FOXK2: variants seen among roughly 807,000 people sequenced by gnomAD.
FOXK2 encodes the protein forkhead box K2.
A neutral mutation model predicts 53.3 loss-of-function variants in FOXK2; 24 were observed. The ratio of observed to expected loss-of-function variants is 0.45; its 90% confidence interval spans 0.33 to 0.63. The LOEUF is 0.63. FOXK2 is among the 30% of genes least tolerant of loss of function. FOXK2 has a pLI of 0.03. For missense variants in FOXK2, 952 were observed against 910.5 expected, an observed-to-expected ratio of 1.05 and a Z score of -0.59; for synonymous variants, 505 against 407.1, an observed-to-expected ratio of 1.24 and a Z score of -2.89.
Position 82,601,321 on chromosome 17 carries a change from A to G in FOXK2, c.1805A>G (p.His602Arg). ...QVNNAAASPL[H>R]MLATHASASA... ...ATTTCAGCCGCGGCGAGTCCTTTGCACATGTTGGCAACACACGCATCCGCA... is the reference window on the plus strand; with the variant it reads ...ATTTCAGCCGCGGCGAGTCCTTTGCGCATGTTGGCAACACACGCATCCGCA... The change falls in exon 9 of 9, where the codon CAC becomes CGC. Residue 602 changes from histidine (H) to arginine (R), a missense_variant. Around this residue, in one of 5 missense-constraint regions of FOXK2, gnomAD observed 551 missense variants for 385.1 expected, o/e 1.43. Transcript: ENST00000335255. 6.2e-7 allele frequency: 1 copy of G among 1,612,658 alleles called. No individual in the cohort carries two copies. Among genetic ancestry groups the G allele is most frequent in the Non-Finnish European group, 8.5e-7 (1 of 1,179,852 alleles).
At chr17:82,547,123 C>CT (rs1469242489) in intron 1 of FOXK2, among the ~76,000 whole-genome samples, 4 of 151,494 alleles carry the variant, frequency 2.6e-5, no homozygotes, top group Non-Finnish European at 5.9e-5. Context: ...ATACACTGAT[C>CT]TCTCTTATAG....
At chr17:82,573,303 C>A (rs1211803082) in intron 4 of FOXK2, among the ~76,000 whole-genome samples, 1 of 152,118 alleles carries the variant, frequency 6.6e-6, no homozygotes, top group Non-Finnish European at 1.5e-5. Context: ...TCCCCTCTGG[C>A]CCACCTTGTG....
chr17:82,574,106 C>T (rs1325910541), intron 4 of FOXK2, among the ~76,000 whole-genome samples: 2 of 152,210 alleles, frequency 1.3e-5, no homozygotes, highest in South Asian at 2.1e-4. Context: ...GACTAGCACA[C>T]GTCAGGCACC....
chr17:82,520,190 C>T lies in FOXK2; in HGVS notation c.302C>T (p.Ala101Val), dbSNP rs1188839379. ...GGGGCCGCTCCGGAGCTGCCGCCCG[C>T]GCAGCCCAGGCCCGACGCCGGCGGC... ...HGGAAPELPP[A>V]QPRPDAGGDF... The change falls in exon 1 of 9, where the codon GCG (alanine) becomes GTG (valine). Residue 101 changes from alanine to valine, a missense_variant. By Grantham distance (64) the Ala-to-Val change is moderately conservative. Coordinates refer to ENST00000335255, the MANE Select transcript of FOXK2 (RefSeq NM_004514.4). 4.9e-6 allele frequency: 7 copies of T among 1,420,854 alleles called. No homozygotes were observed. The highest frequency in any genetic ancestry group is 1.5e-5 in the South Asian group (1 of 66,514). The allele number at this position is 1,420,854 out of a possible 1,614,324, so 88.0% of individuals were successfully genotyped here. A position where few individuals can be genotyped will look rare whatever the true frequency, so the allele number is the denominator to read the frequency against.
chr17:82,543,021 T>C (rs1160348244), intron 1 of FOXK2, among the ~76,000 whole-genome samples: 1 of 152,166 alleles, frequency 6.6e-6, no homozygotes, highest in Non-Finnish European at 1.5e-5. Flanking sequence ...TGGTCCCTGG[T>C]ACTTAACAGG....
rs1459633507 is a variant in FOXK2, at chr17:82,563,477, C to T, written c.543C>T (p.Pro181=). ...PVKAVQPHIS[P]LTINIPDTMA... ...AGGCCGTACAGCCACACATCTCGCCCCTGACCATCAACATTCCAGACACCA... is the reference window on the plus strand; with the variant it reads ...AGGCCGTACAGCCACACATCTCGCCTCTGACCATCAACATTCCAGACACCA... The change falls in exon 2 of 9, where the codon CCC becomes CCT. Residue 181 remains proline, a synonymous_variant. Coordinates refer to ENST00000335255, the MANE Select transcript of FOXK2 (RefSeq NM_004514.4). The T allele has an allele frequency of 5.6e-6, 9 of 1,614,024 alleles. No individual in the cohort carries two copies. In the African/African-American group the frequency reaches 9.3e-5, roughly 17 times the overall value.
chr17:82,524,516 G>C (rs1027784480), intron 1 of FOXK2, among the ~76,000 whole-genome samples: 1 of 152,164 alleles, frequency 6.6e-6, no homozygotes, highest in Non-Finnish European at 1.5e-5. Flanking sequence ...CTAAGATGTG[G>C]ATCCAAGTAC....
chr17:82,566,602 C>A (rs1030487382), intron 2 of FOXK2, among the ~76,000 whole-genome samples: 3 of 152,180 alleles, frequency 2.0e-5, no homozygotes, highest in African/African-American at 7.2e-5. Flanking sequence ...CAGCTCACCG[C>A]CAAGCAGCAG....
chr17:82,532,154 A>AT (rs2044478166), intron 1 of FOXK2, among the ~76,000 whole-genome samples: 1 of 139,650 alleles, frequency 7.2e-6, no homozygotes, highest in Non-Finnish European at 1.5e-5. Context: ...CATCTTATTT[A>AT]TTTTTTTGAG....
chr17:82,577,629 G>A (rs1567980788), intron 4 of FOXK2, among the ~76,000 whole-genome samples: 3 of 152,230 alleles, frequency 2.0e-5, no homozygotes, highest in Non-Finnish European at 4.4e-5. Flanking sequence ...ATGGTTTTAT[G>A]ATTTTACTTC....
At chr17:82,575,515 A>G (rs530654121) in intron 4 of FOXK2, among the ~76,000 whole-genome samples, 3 of 152,204 alleles carry the variant, frequency 2.0e-5, no homozygotes, top group Non-Finnish European at 4.4e-5. Flanking sequence ...GATCATATCC[A>G]CTAGATTAGC....
intron 2 of FOXK2, 95 bp downstream of exon 2, chr17:82,563,643 G>A (rs2044822106): frequency 1.8e-6 from 2 of 1,093,304 alleles, no homozygotes. Flanking sequence ...CTTATGTGGA[G>A]AGAGAGAATG....
Position 82,586,955 on chromosome 17 carries a change from A to C in FOXK2, c.1577-108A>C. 22 of 1,002,376 alleles carry C rather than the reference A, an allele frequency of 2.2e-5. No individual in the cohort carries two copies. In the South Asian group the frequency reaches 2.7e-4, roughly 12 times the overall value. 62.1% of individuals were successfully genotyped at this position (1,002,376 alleles called of 1,614,324 possible). ...TTCTAATTTGCTGTTTGTTTTAGAG[A>C]CATTTTCTAGCAGGTGTGATAGCTA... On this transcript the variant is annotated intron_variant, in intron 7 of 8. Transcript: ENST00000335255.
chr17:82,555,146 TA>T (rs2044711698), intron 1 of FOXK2, among the ~76,000 whole-genome samples: 1 of 152,202 alleles, frequency 6.6e-6, no homozygotes, highest in Non-Finnish European at 1.5e-5. Context: ...TCCAGACACT[TA>T]AACTCCATCA....
intron 1 of FOXK2, among the ~76,000 whole-genome samples, chr17:82,545,575 G>C (rs527793502): frequency 3.6e-4 from 53 of 147,436 alleles, no homozygotes; most frequent in Admixed American, 9.3e-4. Context: ...GTTGTTGTTG[G>C]AAGGCTTTTT....
intron 8 of FOXK2, among the ~76,000 whole-genome samples, chr17:82,588,099 T>C (rs1450716305): frequency 6.6e-6 from 1 of 152,188 alleles, no homozygotes; most frequent in African/African-American, 2.4e-5. Flanking sequence ...CCTCCTACTC[T>C]GACTCAGCAC....
intron 8 of FOXK2, chr17:82,600,300 C>T (rs1040675733): frequency 6.6e-6 from 1 of 152,288 alleles, no homozygotes; most frequent in African/African-American, 2.4e-5. Context: ...GAGACAGATT[C>T]TGTGGAATCT....
intron 8 of FOXK2, among the ~76,000 whole-genome samples, chr17:82,588,899 A>AAC (rs1220879628): frequency 2.0e-5 from 3 of 151,322 alleles, no homozygotes; most frequent in Admixed American, 6.6e-5. Flanking sequence ...AAAAAAAAAA[A>AAC]AAAAAACAAA....
chr17:82,586,767 G>T (rs532340156), intron 7 of FOXK2, among the ~76,000 whole-genome samples: 4 of 152,094 alleles, frequency 2.6e-5, no homozygotes, highest in Non-Finnish European at 4.4e-5. Context: ...TGGGCATGGT[G>T]GCGGGTGCCT....
Sources: gnomAD v4.1 joint callset for allele counts (sites outside exome capture counted in the v4.1 genomes callset) on GRCh38, gnomAD v4.1.1 for gene constraint, gnomAD v4.1.1 regional missense constraint, MANE v1.5 for transcripts, NCBI Gene and HGNC (gene_info 2026-07-23, HGNC 2026-07-21) for gene names.